GHR: variants seen among roughly 807,000 people sequenced by gnomAD.
GHR encodes the protein growth hormone receptor, also known as GH receptor.
Under a neutral mutation model 67.1 loss-of-function variants are expected in GHR, and 35 were observed. The observed-to-expected ratio is 0.52, with a 90% CI of 0.40 to 0.69. GHR has a LOEUF of 0.69. Among genes scored for constraint, GHR ranks in the 30% least tolerant of loss-of-function variants. The pLI, the probability that GHR is intolerant of heterozygous loss-of-function variation, is 0.00. For synonymous variants in GHR, 272 were observed against 269.1 expected (o/e 1.01, Z -0.10); for missense variants, 792 against 764.6 (o/e 1.04, Z -0.42).
At chr5:42,592,574 T>C (rs1252337437) in intron 2 of GHR, among the ~76,000 whole-genome samples, 1 of 152,246 alleles carries the variant, frequency 6.6e-6, no homozygotes, top group Non-Finnish European at 1.5e-5. Flanking sequence ...GCACTATCCA[T>C]GTGGCTGCAC....
intron 1 of GHR, among the ~76,000 whole-genome samples, chr5:42,427,710 C>T (rs1742914522): frequency 6.6e-6 from 1 of 152,196 alleles, no homozygotes; most frequent in Admixed American, 6.5e-5. Flanking sequence ...AAGTCCCTTC[C>T]ACCTATGAGC....
intron 1 of GHR, chr5:42,466,904 T>C: frequency 6.6e-7 from 1 of 1,506,348 alleles, no homozygotes; most frequent in Non-Finnish European, 8.9e-7. Context: ...ACAAGATGGG[T>C]TCTGTGGTGT....
chr5:42,705,297 A>T (rs1452934534), intron 6 of GHR, among the ~76,000 whole-genome samples: 2 of 152,008 alleles, frequency 1.3e-5, no homozygotes, highest in Non-Finnish European at 2.9e-5. Context: ...GGAGGCATTT[A>T]TTGCCATGAA....
intron 6 of GHR, among the ~76,000 whole-genome samples, chr5:42,707,784 A>C (rs1758250561): frequency 6.6e-6 from 1 of 151,958 alleles, no homozygotes; most frequent in Admixed American, 6.6e-5. Context: ...TTTACTCCAC[A>C]TACTCCACAC....
At chr5:42,528,613 C>A (rs1376825552) in intron 1 of GHR, among the ~76,000 whole-genome samples, 1 of 152,140 alleles carries the variant, frequency 6.6e-6, no homozygotes, top group East Asian at 1.9e-4. Flanking sequence ...TAGAATATGA[C>A]ATAAACTTAG....
intron 1 of GHR, among the ~76,000 whole-genome samples, chr5:42,529,012 ACT>A (rs1561098266): frequency 9.8e-6 from 1 of 102,482 alleles, no homozygotes; most frequent in African/African-American, 4.1e-5. Context: ...TATACACGTA[ACT>A]TTTTTTTTTT....
rs11373491 is a variant in GHR at position 42,636,209 on chromosome 5, CAAAAAAAAAA to C, written c.136+7121_136+7130del. Among the ~76,000 whole-genome samples the C allele has an allele frequency of 3.3e-3, 270 of 81,930 alleles. 3 individuals are homozygous for C. Among genetic ancestry groups the C allele is most frequent in the Non-Finnish European group, 2.7e-3 (116 of 42,856 alleles). 53.7% of individuals were successfully genotyped at this position (81,930 alleles called of 152,430 possible). On this transcript the variant is annotated intron_variant, in intron 3 of 9. Coordinates refer to ENST00000230882, the MANE Select transcript of GHR (RefSeq NM_000163.5). ...TGGGCGACAGAGCGAGACCCCGTTTCAAAAAAAAAAAAAAAAAAAAAAAATTAGAGCCTAA... is the reference window on the plus strand; with the variant it reads ...TGGGCGACAGAGCGAGACCCCGTTTCAAAAAAAAAAAAAATTAGAGCCTAA...
At chr5:42,484,766 A>G (rs1745804739) in intron 1 of GHR, among the ~76,000 whole-genome samples, 1 of 152,240 alleles carries the variant, frequency 6.6e-6, no homozygotes, top group South Asian at 2.1e-4. Context: ...AAGGTTAATC[A>G]AAAGCTCATT....
At chr5:42,715,838 A>G (rs537937008) in intron 8 of GHR, among the ~76,000 whole-genome samples, 39 of 152,358 alleles carry the variant, frequency 2.6e-4, no homozygotes, top group African/African-American at 7.0e-4. Context: ...TGCAGCAGAC[A>G]ACCAGCTATC....
intron 1 of GHR, among the ~76,000 whole-genome samples, chr5:42,437,114 G>A (rs1743360366): frequency 6.6e-6 from 1 of 152,172 alleles, no homozygotes; most frequent in South Asian, 2.1e-4. Context: ...ATATGAGGAG[G>A]CAATCATGTA....
chr5:42,462,097 CT>C (rs1744511544), intron 1 of GHR, among the ~76,000 whole-genome samples: 1 of 152,184 alleles, frequency 6.6e-6, no homozygotes, highest in African/African-American at 2.4e-5. Context: ...GAAGCAGGGT[CT>C]TAAAAATGAG....
chr5:42,716,883 T>G (rs1030811152), intron 8 of GHR, among the ~76,000 whole-genome samples: 27 of 152,180 alleles, frequency 1.8e-4, no homozygotes, highest in Admixed American at 3.9e-4. Flanking sequence ...GTAACTGATA[T>G]CCAAAAATCT....
intron 3 of GHR, among the ~76,000 whole-genome samples, chr5:42,635,522 T>C (rs1322161532): frequency 3.3e-5 from 5 of 152,256 alleles, no homozygotes; most frequent in Non-Finnish European, 5.9e-5. Flanking sequence ...CAGTGACTTT[T>C]TTCCAGCCTG....
chr5:42,703,131 C>T (rs1291041011), intron 6 of GHR, among the ~76,000 whole-genome samples: 1 of 151,992 alleles, frequency 6.6e-6, no homozygotes, highest in East Asian at 1.9e-4. Context: ...AAATCATTGC[C>T]CAAACCAATG....
chr5:42,554,287 A>G (rs1749193058), intron 1 of GHR, among the ~76,000 whole-genome samples: 1 of 152,104 alleles, frequency 6.6e-6, no homozygotes, highest in African/African-American at 2.4e-5. Context: ...GCTGAGGATG[A>G]GAACTTAGTC....
At chr5:42,682,562 A>T (rs1430421209) in intron 3 of GHR, among the ~76,000 whole-genome samples, 1 of 152,100 alleles carries the variant, frequency 6.6e-6, no homozygotes, top group African/African-American at 2.4e-5. Context: ...AGGAATGCTG[A>T]GTGTCTTCAG....
intron 1 of GHR, among the ~76,000 whole-genome samples, chr5:42,506,969 GATTAT>G (rs1746804388): frequency 6.6e-6 from 1 of 152,158 alleles, no homozygotes. Context: ...TAAATTATAA[GATTAT>G]ATTACTAATC....
intron 1 of GHR, among the ~76,000 whole-genome samples, chr5:42,494,945 A>C (rs1229001838): frequency 6.6e-6 from 1 of 152,016 alleles, no homozygotes; most frequent in African/African-American, 2.4e-5. Context: ...CCCCCTTAGA[A>C]GGGTGATGGA....
chr5:42,636,240 C>A (rs535883280), intron 3 of GHR, among the ~76,000 whole-genome samples: 134 of 149,988 alleles, frequency 8.9e-4, no homozygotes, highest in African/African-American at 3.2e-3. Flanking sequence ...AAAATTAGAG[C>A]CTAAGAAGGA....
Sources: gnomAD v4.1 joint callset for allele counts (sites outside exome capture counted in the v4.1 genomes callset) on GRCh38, gnomAD v4.1.1 for gene constraint, MANE v1.5 for transcripts, NCBI Gene and HGNC (gene_info 2026-07-23, HGNC 2026-07-21) for gene names.